DUX4: variants seen among roughly 807,000 people sequenced by gnomAD.
DUX4 encodes double homeobox protein 4.
At chr4:190,177,235 TCA>T (rs1742353968), downstream of DUX4, among the ~76,000 whole-genome samples, 2 of 144,202 alleles carry the variant, frequency 1.4e-5, no homozygotes, top group Admixed American at 7.2e-5. Context: ...ACCTGGGTGA[TCA>T]TTGCAGAGAT....
downstream of DUX4, among the ~76,000 whole-genome samples, chr4:190,177,928 A>C (rs1742395542): frequency 2.6e-5 from 4 of 151,732 alleles, no homozygotes; most frequent in Admixed American, 6.6e-5. Context: ...CAGTGTGGAG[A>C]TATGTCACAA....
chr4:190,176,016 A>G (rs1219771425), downstream of DUX4, among the ~76,000 whole-genome samples: 4 of 109,112 alleles, frequency 3.7e-5, 1 homozygote, highest in African/African-American at 1.1e-4. Flanking sequence ...CAGTGTAGAG[A>G]TATGTTAAAA....
chr4:190,176,711 C>T (rs1214825016), downstream of DUX4, among the ~76,000 whole-genome samples: 111 of 66,342 alleles, frequency 1.7e-3, no homozygotes, highest in East Asian at 8.7e-3. Flanking sequence ...TGTCAGAATG[C>T]CCATGTAGGC....
chr4:190,178,882 C>CAA (rs1742459557), downstream of DUX4, among the ~76,000 whole-genome samples: 1 of 143,708 alleles, frequency 7.0e-6, no homozygotes, highest in Non-Finnish European at 1.5e-5. Flanking sequence ...GTGATCAGTG[C>CAA]AGATCTATGT....
chr4:190,176,607 T>A (rs1167347709), downstream of DUX4, among the ~76,000 whole-genome samples: 2 of 111,610 alleles, frequency 1.8e-5, no homozygotes, highest in Non-Finnish European at 2.1e-5. Flanking sequence ...AAGAGTTCCC[T>A]CCTCAGGGTG....
chr4:190,178,970 C>A (rs1742467690), downstream of DUX4, among the ~76,000 whole-genome samples: 4 of 141,184 alleles, frequency 2.8e-5, no homozygotes, highest in East Asian at 2.1e-4. Context: ...CACAATGCCC[C>A]CTTAGGCAGA....
At chr4:190,177,973 A>G (rs1742397057), downstream of DUX4, among the ~76,000 whole-genome samples, 352 of 129,244 alleles carry the variant, frequency 2.7e-3, no homozygotes, top group East Asian at 6.6e-3. Flanking sequence ...CAAGAGTTAC[A>G]TCACCTGGGT....
At chr4:190,176,429 G>T (rs1346328989), downstream of DUX4, among the ~76,000 whole-genome samples, 6 of 103,742 alleles carry the variant, frequency 5.8e-5, 1 homozygote, top group African/African-American at 1.7e-4. Context: ...GCAGAGATAC[G>T]TGAGAATTCC....
At chr4:190,177,363 C>A (rs1742362680), downstream of DUX4, among the ~76,000 whole-genome samples, 3 of 112,908 alleles carry the variant, frequency 2.7e-5, no homozygotes, top group African/African-American at 6.0e-5. Context: ...AGTTACATCA[C>A]CTGGGTTATC....
At chr4:190,181,274 A>AG (rs1742560294) in intron 1 of DUX4, among the ~76,000 whole-genome samples, 1 of 151,666 alleles carries the variant, frequency 6.6e-6, no homozygotes, top group African/African-American at 2.4e-5. Context: ...ATCAGTGCAG[A>AG]AATATGTGAC....
chr4:190,183,017 T>G lies in DUX4; in HGVS notation n.93-2324T>G, dbSNP rs1322454049. ...TTCAGGTTAAGAGTTAGGGTTAGGG[T>G]TACTGGTTAGGGTTAGGGGTTAGGG... On this transcript the variant is annotated intron_variant and non_coding_transcript_variant, in intron 1 of 2. Coordinates refer to the DUX4 transcript ENST00000563716. Among the ~76,000 whole-genome samples the G allele has an allele frequency of 1.4e-4, 5 of 35,238 alleles. 1 individual carries two copies. The allele number at this position is 35,238 out of a possible 152,430, so 23.1% of individuals were successfully genotyped here.
intron 1 of DUX4, among the ~76,000 whole-genome samples, chr4:190,183,842 C>A (rs1170858675): frequency 8.3e-6 from 1 of 120,992 alleles, no homozygotes; most frequent in Non-Finnish European, 1.9e-5. Context: ...CCGCAGCATA[C>A]TGGACAAATG....
At chr4:190,179,596 C>T (rs1579835737), downstream of DUX4, among the ~76,000 whole-genome samples, 16 of 151,962 alleles carry the variant, frequency 1.1e-4, no homozygotes, top group Admixed American at 1.3e-4. Context: ...TAGCCAGAGC[C>T]TAGACAAAAG....
downstream of DUX4, among the ~76,000 whole-genome samples, chr4:190,177,489 T>C (rs2126568591): frequency 2.6e-3 from 366 of 138,274 alleles, no homozygotes; most frequent in Admixed American, 3.2e-3. Context: ...TCCCAGAAAA[T>C]TGTTACATCA....
downstream of DUX4, among the ~76,000 whole-genome samples, chr4:190,180,005 T>TAGA (rs1742524068): frequency 7.8e-6 from 1 of 128,760 alleles, no homozygotes; most frequent in Non-Finnish European, 1.6e-5. Context: ...AGGCAGAGCT[T>TAGA]AAACTAGAGT....
chr4:190,179,755 G>T (rs1579835909), downstream of DUX4, among the ~76,000 whole-genome samples: 27 of 144,404 alleles, frequency 1.9e-4, no homozygotes, highest in South Asian at 6.5e-4. Flanking sequence ...ACATCACCTC[G>T]GTTAACAGTG....
In DUX4 at chr4:190,175,649, C is replaced by G. The variant is rs1372198404; in HGVS notation, c.*239C>G. The G allele has an allele frequency of 6.0e-6, 1 of 167,978 alleles. No individual in the cohort carries two copies. Among genetic ancestry groups the G allele is most frequent in the Admixed American group, 9.3e-5 (1 of 10,802 alleles). 10.4% of individuals were successfully genotyped at this position (167,978 alleles called of 1,614,324 possible). On this transcript the variant is annotated splice_region_variant and 3_prime_UTR_variant, in exon 2 of 2. Transcript: ENST00000565211. ...GTCTTTGCCCGCTTCCTGGCTAGAC[C>G]TGCGCGCAGTGCGCACCCCGGCTGA...
At chr4:190,179,790 T>TA (rs1742512174), downstream of DUX4, among the ~76,000 whole-genome samples, 13 of 1,748 alleles carry the variant, frequency 7.4e-3, no homozygotes, top group African/African-American at 0.032. Flanking sequence ...AATGCCCCTG[T>TA]AGGCAAGCCT....
At chr4:190,181,211 A>G (rs1742552277) in intron 1 of DUX4, among the ~76,000 whole-genome samples, 1 of 151,980 alleles carries the variant, frequency 6.6e-6, no homozygotes, top group African/African-American at 2.4e-5. Flanking sequence ...GTGCAGAGAT[A>G]TGTCACATTG....
Sources: gnomAD v4.1 joint callset for allele counts (sites outside exome capture counted in the v4.1 genomes callset) on GRCh38, gnomAD v4.1.1 for gene constraint, MANE v1.5 for transcripts, NCBI Gene and HGNC (gene_info 2026-07-23, HGNC 2026-07-21) for gene names.